Variants in DLG2 observed in about 807,000 individuals in gnomAD.
DLG2 encodes the protein discs large MAGUK scaffold protein 2.
In DLG2, 45 loss-of-function variants were observed where a neutral mutation model predicts 132.5. That is an observed-to-expected ratio of 0.34 (90% confidence interval 0.27 to 0.44). The LOEUF is 0.44. DLG2 is among the 20% of genes least tolerant of loss of function. The probability of loss-of-function intolerance (pLI) is 1.00; values close to 1 mark genes in which losing one functional copy is unlikely to be tolerated. For missense variants in DLG2, 1,045 were observed against 1,196.9 expected (o/e 0.87, Z 1.87); for synonymous variants, 424 against 419.6 (o/e 1.01, Z -0.13).
At chr11:84,350,299 T>C (rs1002355200) in intron 7 of DLG2, among the ~76,000 whole-genome samples, 1 of 152,072 alleles carries the variant, frequency 6.6e-6, no homozygotes, top group Non-Finnish European at 1.5e-5. Context: ...CTCTTGAAAT[T>C]ACATTTAAAA....
chr11:84,831,895 G>T (rs1316436539), intron 6 of DLG2, among the ~76,000 whole-genome samples: 1 of 151,622 alleles, frequency 6.6e-6, no homozygotes, highest in Admixed American at 6.6e-5. Context: ...CTCTCAGAGG[G>T]CTTGCAACTC....
intron 6 of DLG2, among the ~76,000 whole-genome samples, chr11:84,648,052 A>G (rs1163964012): frequency 1.3e-5 from 2 of 152,178 alleles, no homozygotes; most frequent in Non-Finnish European, 1.5e-5. Flanking sequence ...TAGGTAACTT[A>G]CCCAAGGTAA....
At chr11:85,049,076 T>C (rs2154153215) in intron 6 of DLG2, among the ~76,000 whole-genome samples, 1 of 152,158 alleles carries the variant, frequency 6.6e-6, no homozygotes, top group Admixed American at 6.6e-5. Context: ...TCTATGAGTA[T>C]ATTGTGAGAT....
intron 4 of DLG2, among the ~76,000 whole-genome samples, chr11:85,262,634 A>G (rs923969628): frequency 1.3e-5 from 2 of 152,184 alleles, no homozygotes; most frequent in Non-Finnish European, 2.9e-5. Context: ...TCTTAGTTAT[A>G]GATGAGAAAA....
At chr11:83,842,407 A>C (rs529419530) in intron 16 of DLG2, among the ~76,000 whole-genome samples, 5 of 152,088 alleles carry the variant, frequency 3.3e-5, no homozygotes, top group African/African-American at 1.2e-4. Flanking sequence ...CATTCTGGCC[A>C]ACATGGTGAA....
chr11:83,921,299 G>A (rs924187867), intron 15 of DLG2, among the ~76,000 whole-genome samples: 1 of 151,956 alleles, frequency 6.6e-6, no homozygotes, highest in Non-Finnish European at 1.5e-5. Flanking sequence ...ACGATTTTTG[G>A]CACAGGGAAT....
intron 6 of DLG2, among the ~76,000 whole-genome samples, chr11:84,995,408 C>A (rs931809764): frequency 3.9e-5 from 6 of 152,108 alleles, no homozygotes; most frequent in Admixed American, 3.9e-4. Context: ...ATTAGTAAAT[C>A]AATTAACAGT....
At chr11:85,197,210 A>G (rs2081134498) in intron 4 of DLG2, among the ~76,000 whole-genome samples, 1 of 152,192 alleles carries the variant, frequency 6.6e-6, no homozygotes, top group South Asian at 2.1e-4. Context: ...TAGTTGACAT[A>G]TTACTAAAAT....
intron 3 of DLG2, among the ~76,000 whole-genome samples, chr11:85,577,061 T>C (rs1189649763): frequency 2.6e-5 from 4 of 152,090 alleles, no homozygotes; most frequent in Non-Finnish European, 5.9e-5. Context: ...GTGGGAGAAG[T>C]AGCTAGGATT....
rs549420578 is a variant in DLG2, at chr11:85,529,992, T to G, written c.40+68665A>C. Among the ~76,000 whole-genome samples the G allele has an allele frequency of 1.9e-4, 29 of 149,660 alleles. No individual in the cohort carries two copies. The South Asian group carries it at 5.3e-3, about 27-fold the overall frequency. The stretch of plus-strand genomic sequence containing the variant: ...GATCTGCCTAGAGAGGGTTTGTTTT[T>G]TTTTTTTTTTTTTTGAGGTGGAGTT... On this transcript the variant is annotated intron_variant, in intron 3 of 27. Coordinates refer to ENST00000376104, the MANE Select transcript of DLG2 (RefSeq NM_001142699.3).
At chr11:84,510,407 T>C (rs956647681) in intron 7 of DLG2, among the ~76,000 whole-genome samples, 1 of 152,060 alleles carries the variant, frequency 6.6e-6, no homozygotes, top group Non-Finnish European at 1.5e-5. Flanking sequence ...TATCAATAAA[T>C]GAAAGCGCCA....
Position 83,554,294 on chromosome 11 carries a change from G to A in DLG2, c.1941-12436C>T, listed in dbSNP as rs190222110. ...TTAATTTACTGAACATTGACAACATGTTTGGCAACAGGATAATGGAAAATG... is the reference window on the plus strand; with the variant it reads ...TTAATTTACTGAACATTGACAACATATTTGGCAACAGGATAATGGAAAATG... On this transcript the variant is annotated intron_variant, in intron 19 of 27. Coordinates refer to ENST00000376104, the MANE Select transcript of DLG2 (RefSeq NM_001142699.3). 5.4e-4 allele frequency among the ~76,000 whole-genome samples: 82 copies of A among 152,278 alleles called. No homozygotes were observed. In the Middle Eastern group the frequency reaches 0.01, roughly 19 times the overall value.
intron 11 of DLG2, among the ~76,000 whole-genome samples, chr11:84,018,025 G>C (rs960659726): frequency 2.6e-5 from 4 of 151,848 alleles, no homozygotes; most frequent in Non-Finnish European, 5.9e-5. Context: ...TGTGGTAGTA[G>C]TTTGCTTTAT....
intron 7 of DLG2, among the ~76,000 whole-genome samples, chr11:84,321,938 C>T (rs1446668607): frequency 6.6e-6 from 1 of 152,168 alleles, no homozygotes; most frequent in Non-Finnish European, 1.5e-5. Flanking sequence ...CATTTAGCAC[C>T]TGTGCTTCTC....
At chr11:83,717,334 A>G (rs1275809979) in intron 18 of DLG2, among the ~76,000 whole-genome samples, 2 of 152,224 alleles carry the variant, frequency 1.3e-5, no homozygotes, top group African/African-American at 2.4e-5. Flanking sequence ...AACAGCAGGG[A>G]ACCCATTTAA....
intron 11 of DLG2, among the ~76,000 whole-genome samples, chr11:84,018,206 G>T (rs1051376248): frequency 6.6e-6 from 1 of 151,720 alleles, no homozygotes; most frequent in Non-Finnish European, 1.5e-5. Context: ...AGGTATTACT[G>T]TACAGGTCAC....
At chr11:84,843,668 T>C (rs1418627689) in intron 6 of DLG2, among the ~76,000 whole-genome samples, 1 of 151,926 alleles carries the variant, frequency 6.6e-6, no homozygotes, top group Non-Finnish European at 1.5e-5. Flanking sequence ...TTAAATCATC[T>C]CTAGGTTACT....
intron 9 of DLG2, among the ~76,000 whole-genome samples, chr11:84,126,546 C>T (rs186364778): frequency 6.6e-6 from 1 of 151,916 alleles, no homozygotes; most frequent in Admixed American, 6.5e-5. Context: ...GATTTTAAAA[C>T]TCAATAAGAA....
At chr11:85,007,146 A>T (rs562570649) in intron 6 of DLG2, among the ~76,000 whole-genome samples, 16 of 152,298 alleles carry the variant, frequency 1.1e-4, no homozygotes, top group South Asian at 1.0e-3. Flanking sequence ...GATTTTCCTA[A>T]GTACAAATTC....
Sources: gnomAD v4.1 joint callset for allele counts (sites outside exome capture counted in the v4.1 genomes callset) on GRCh38, gnomAD v4.1.1 for gene constraint, MANE v1.5 for transcripts, NCBI Gene and HGNC (gene_info 2026-07-23, HGNC 2026-07-21) for gene names.